Variants in BACH2 observed in about 807,000 individuals in gnomAD.
BACH2 encodes the protein transcription regulator protein BACH2.
Under a neutral mutation model 61.8 loss-of-function variants are expected in BACH2, and 5 were observed. That is an observed-to-expected ratio of 0.08 (90% CI 0.04 to 0.17). The LOEUF is 0.17. Among genes scored for constraint, BACH2 ranks in the 10% least tolerant of loss-of-function variants. BACH2 has a pLI of 1.00. For synonymous variants in BACH2, 446 were observed against 440.1 expected, an observed-to-expected ratio of 1.01 and a Z score of -0.17; for missense variants, 824 against 1,091.1, an observed-to-expected ratio of 0.76 and a Z score of 3.45.
intron 3 of BACH2, among the ~76,000 whole-genome samples, chr6:90,240,707 G>A (rs988385583): frequency 7.9e-5 from 12 of 152,116 alleles, no homozygotes; most frequent in Admixed American, 3.9e-4. Flanking sequence ...CATGTAGACT[G>A]TCTGCTTTGT....
At chr6:90,277,441 C>T (rs1020191605) in intron 1 of BACH2, among the ~76,000 whole-genome samples, 2 of 152,118 alleles carry the variant, frequency 1.3e-5, no homozygotes, top group African/African-American at 4.8e-5. Context: ...ACAGGCAAAG[C>T]AAATCTATGC....
intron 4 of BACH2, among the ~76,000 whole-genome samples, chr6:90,117,416 C>T (rs762223029): frequency 1.3e-5 from 2 of 151,790 alleles, no homozygotes; most frequent in Non-Finnish European, 2.9e-5. Flanking sequence ...CTCCTCAGAA[C>T]CTTTCTGACT....
At chr6:90,118,801 T>C (rs1783506030) in intron 4 of BACH2, among the ~76,000 whole-genome samples, 1 of 152,142 alleles carries the variant, frequency 6.6e-6, no homozygotes, top group South Asian at 2.1e-4. Context: ...GGCAGCACAG[T>C]ACAGTACAGT....
At chr6:90,109,268 C>T (rs573926240) in intron 4 of BACH2, among the ~76,000 whole-genome samples, 1 of 152,120 alleles carries the variant, frequency 6.6e-6, no homozygotes. Context: ...TACAAGACTT[C>T]TCACCATCAC....
chr6:90,012,367 C>T (rs953334730), intron 5 of BACH2, among the ~76,000 whole-genome samples: 7 of 151,940 alleles, frequency 4.6e-5, no homozygotes, highest in African/African-American at 7.2e-5. Flanking sequence ...TGGTGGCTTA[C>T]GCCTGTAATC....
intron 4 of BACH2, among the ~76,000 whole-genome samples, chr6:90,160,614 T>C (rs1785158074): frequency 6.6e-6 from 1 of 152,196 alleles, no homozygotes; most frequent in Non-Finnish European, 1.5e-5. Flanking sequence ...AAAAACAGTG[T>C]CTGTATACCT....
chr6:90,001,459 T>C (rs550820912), intron 6 of BACH2: 3 of 152,212 alleles, frequency 2.0e-5, no homozygotes, highest in Non-Finnish European at 4.4e-5. Context: ...CCAATCAACC[T>C]GGCGATGTTG....
rs13217480 is a variant in BACH2, at chr6:90,293,119, C to T, written c.-446+3361G>A. Reference sequence around the variant, plus strand: ...CAGAACCTTATACCAAATATGAGGTCCTTCTGAGCAGGGAAGAGGAAGGGG... The same window carrying T: ...CAGAACCTTATACCAAATATGAGGTTCTTCTGAGCAGGGAAGAGGAAGGGG... On this transcript the variant is annotated intron_variant, in intron 1 of 8. Coordinates refer to ENST00000257749, the MANE Select transcript of BACH2 (RefSeq NM_021813.4). Among the ~76,000 whole-genome samples, 353 of 152,306 alleles carry T rather than the reference C, an allele frequency of 2.3e-3. 2 individuals carry two copies. The highest frequency in any genetic ancestry group is 3.9e-3 in the Non-Finnish European group (265 of 68,016).
intron 6 of BACH2, among the ~76,000 whole-genome samples, chr6:89,980,568 T>A (rs1380800934): frequency 6.6e-6 from 1 of 152,208 alleles, no homozygotes; most frequent in Non-Finnish European, 1.5e-5. Flanking sequence ...TATGACCTGG[T>A]ACAGTGCCTC....
chr6:90,158,461 G>A (rs756389745), intron 4 of BACH2, among the ~76,000 whole-genome samples: 41 of 151,958 alleles, frequency 2.7e-4, no homozygotes, highest in Non-Finnish European at 4.6e-4. Context: ...ACCCAGGAGC[G>A]GGGTTGAAAG....
intron 6 of BACH2, among the ~76,000 whole-genome samples, chr6:89,967,052 A>C (rs945383224): frequency 7.2e-5 from 11 of 152,144 alleles, no homozygotes; most frequent in African/African-American, 2.7e-4. Flanking sequence ...GGGAGAAAGA[A>C]ATTTCTAACA....
chr6:90,090,680 C>G (rs942415089), intron 4 of BACH2, among the ~76,000 whole-genome samples: 1 of 152,116 alleles, frequency 6.6e-6, no homozygotes, highest in African/African-American at 2.4e-5. Context: ...TAGATGTGGA[C>G]AGTGGGGGAG....
chr6:90,264,170 T>A (rs576729405), intron 2 of BACH2, among the ~76,000 whole-genome samples: 13 of 152,332 alleles, frequency 8.5e-5, no homozygotes, highest in African/African-American at 3.1e-4. Context: ...CTTTGTTCAA[T>A]CTCTGCCTTT....
intron 4 of BACH2, among the ~76,000 whole-genome samples, chr6:90,180,581 T>C (rs142641248): frequency 9.8e-4 from 149 of 152,286 alleles, no homozygotes; most frequent in African/African-American, 3.5e-3. Context: ...TCTGTATGCC[T>C]TTGTGTACCC....
intron 7 of BACH2, among the ~76,000 whole-genome samples, chr6:89,943,425 T>C (rs1302193910): frequency 6.6e-6 from 1 of 151,792 alleles, no homozygotes; most frequent in Non-Finnish European, 1.5e-5. Context: ...TATTATATAA[T>C]TATAGATTAT....
At chr6:90,196,086 A>G (rs999005187) in intron 4 of BACH2, among the ~76,000 whole-genome samples, 6 of 152,166 alleles carry the variant, frequency 3.9e-5, no homozygotes, top group African/African-American at 1.4e-4. Flanking sequence ...GTAGCGAGAG[A>G]ATGAGCCACA....
intron 5 of BACH2, among the ~76,000 whole-genome samples, chr6:90,037,664 C>A (rs1197229205): frequency 6.6e-6 from 1 of 152,176 alleles, no homozygotes; most frequent in African/African-American, 2.4e-5. Flanking sequence ...AGTTCATTAA[C>A]CCCTGTTGTG....
chr6:90,159,207 G>C (rs1785104110), intron 4 of BACH2, among the ~76,000 whole-genome samples: 1 of 152,196 alleles, frequency 6.6e-6, no homozygotes, highest in Non-Finnish European at 1.5e-5. Context: ...ACGTGGTCTA[G>C]TAGAATGAAA....
At chr6:90,040,764 A>G (rs1779494753) in intron 5 of BACH2, among the ~76,000 whole-genome samples, 1 of 151,964 alleles carries the variant, frequency 6.6e-6, no homozygotes, top group Non-Finnish European at 1.5e-5. Context: ...CAATTCCTAT[A>G]TTTATACACA....
Sources: allele counts gnomAD v4.1 joint callset (sites outside exome capture counted in the v4.1 genomes callset), GRCh38; gene constraint gnomAD v4.1.1; transcripts MANE v1.5; gene names NCBI Gene and HGNC (gene_info 2026-07-23, HGNC 2026-07-21).